Variants in TIMELESS observed in about 807,000 individuals in gnomAD.
TIMELESS encodes the protein protein timeless homolog.
In TIMELESS, 124 loss-of-function variants were observed where a neutral mutation model predicts 164.3. The observed-to-expected ratio is 0.75, with a 90% CI of 0.65 to 0.88. TIMELESS has a LOEUF of 0.88. Ranked by LOEUF, TIMELESS falls within the 40% of genes least tolerant of loss-of-function variation. The probability of loss-of-function intolerance (pLI) is 0.00; values close to 1 mark genes in which losing one functional copy is unlikely to be tolerated. For missense variants in TIMELESS, 1,422 were observed against 1,491.4 expected (o/e 0.95, Z 0.77); for synonymous variants, 564 against 563.4 (o/e 1.00, Z -0.02).
Position 56,433,460 on chromosome 12 carries a change from C to G in TIMELESS, c.367-17G>C. On this transcript the variant is annotated splice_polypyrimidine_tract_variant and intron_variant, in intron 4 of 28. Coordinates refer to ENST00000553532, the MANE Select transcript of TIMELESS (RefSeq NM_003920.5). ...GGCAAAGGCCTGTGAAATAGGGAAC[C>G]TGATCTTAAGTAGCAGTCATCCACT... The G allele has an allele frequency of 1.2e-6, 2 of 1,614,202 alleles. No individual in the cohort carries two copies. The highest frequency in any genetic ancestry group is 1.7e-6 in the Non-Finnish European group (2 of 1,180,004).
In TIMELESS at chr12:56,418,284, C is replaced by G; in HGVS notation, c.3304G>C (p.Glu1102Gln). ...RRAAASLSQPEEEQKLQPELQ... is the reference protein window; with the variant it reads ...RRAAASLSQPQEEQKLQPELQ... ...TCTGGCTGCAGCTTCTGTTCCTCCT[C>G]TGGTTGACTCAAAGAAGCTGCTGCC... The change falls in exon 27 of 29, where the codon GAG (glutamate) becomes CAG (glutamine). Residue 1102 changes from glutamate to glutamine, a missense_variant. Coordinates refer to ENST00000553532, the MANE Select transcript of TIMELESS (RefSeq NM_003920.5). The G allele has an allele frequency of 6.2e-7, 1 of 1,614,190 alleles. No individual in the cohort carries two copies. The highest frequency in any genetic ancestry group is 8.5e-7 in the Non-Finnish European group (1 of 1,180,036).
chr12:56,445,921 T>G (rs1025488392), intron 1 of TIMELESS, among the ~76,000 whole-genome samples: 12 of 152,082 alleles, frequency 7.9e-5, no homozygotes, highest in Non-Finnish European at 1.6e-4. Context: ...TTTTTTCTTT[T>G]TTGAAAGAGG....
chr12:56,447,918 A>G (rs1037015270), intron 1 of TIMELESS, among the ~76,000 whole-genome samples: 3 of 152,128 alleles, frequency 2.0e-5, no homozygotes, highest in African/African-American at 7.2e-5. Flanking sequence ...AAGTACTGAG[A>G]TATGAAAGAG....
intron 19 of TIMELESS, 58 bp downstream of exon 19, chr12:56,422,789 G>A: frequency 1.3e-6 from 2 of 1,536,220 alleles, no homozygotes; most frequent in Non-Finnish European, 1.8e-6. Flanking sequence ...TTGACATTCT[G>A]TGACTCTGCA....
intron 13 of TIMELESS, among the ~76,000 whole-genome samples, chr12:56,426,264 C>T (rs1881674775): frequency 6.6e-6 from 1 of 152,070 alleles, no homozygotes; most frequent in South Asian, 2.1e-4. Flanking sequence ...TACCACAGAG[C>T]TCTGAGTGCA....
At position 56,420,556 on chromosome 12, in the gene TIMELESS, C is replaced by T; in HGVS notation, c.3228+13G>A. The stretch of plus-strand genomic sequence containing the variant: ...TAACACGCCTTGGTTGACACTGTAA[C>T]TGACATATTTACCTGCCCAGAGGCA... On this transcript the variant is annotated intron_variant, in intron 26 of 28. Transcript: ENST00000553532. 1 of 1,611,376 alleles carries T rather than the reference C, an allele frequency of 6.2e-7. No homozygotes were observed. Among genetic ancestry groups the T allele is most frequent in the Non-Finnish European group, 8.5e-7 (1 of 1,177,556 alleles).
intron 1 of TIMELESS, among the ~76,000 whole-genome samples, chr12:56,448,180 C>G (rs918594566): frequency 1.3e-5 from 2 of 152,116 alleles, no homozygotes; most frequent in African/African-American, 4.8e-5. Flanking sequence ...CCGACGCGGG[C>G]GGATCATTTG....
At position 56,434,214 on chromosome 12, in the gene TIMELESS, A is replaced by G. The variant is rs1881997769; in HGVS notation, c.-44T>C. On this transcript the variant is annotated 5_prime_UTR_variant, in exon 2 of 29. Coordinates refer to ENST00000553532, the MANE Select transcript of TIMELESS (RefSeq NM_003920.5). ...ACAGAGAAGGAAGTGGAGAAACAGG[A>G]GACAGAAATGATGAGGCCTGGAGAA... is the stretch of plus-strand genomic sequence containing the variant. 1.3e-6 allele frequency: 2 copies of G among 1,487,062 alleles called. No homozygotes were observed. Among genetic ancestry groups the G allele is most frequent in the Non-Finnish European group, 1.9e-6 (2 of 1,064,560 alleles). 92.1% of individuals were successfully genotyped at this position (1,487,062 alleles called of 1,614,324 possible).
chr12:56,427,391 G>A (rs1277146232), intron 13 of TIMELESS, among the ~76,000 whole-genome samples: 1 of 152,188 alleles, frequency 6.6e-6, no homozygotes. Flanking sequence ...CCAAAGTGCT[G>A]GGATTACAGG....
Position 56,430,967 on chromosome 12 carries a change from GCCTGC to G in TIMELESS, c.822-4_822del, listed in dbSNP as rs1406378668. ...ATATAGGAGCCCCCAAATCGAGAAT[GCCTGC>G]AGAAACAAAAAGGTCCAAGGTGATT... On this transcript the variant is annotated splice_acceptor_variant and splice_polypyrimidine_tract_variant and coding_sequence_variant and intron_variant, in exon 9 of 29. Coordinates refer to ENST00000553532, the MANE Select transcript of TIMELESS (RefSeq NM_003920.5). LOFTEE classifies it high-confidence loss of function. The G allele has an allele frequency of 6.3e-7, 1 of 1,575,556 alleles. No individual in the cohort carries two copies. Among genetic ancestry groups the G allele is most frequent in the African/African-American group, 1.4e-5 (1 of 72,230 alleles).
chr12:56,437,025 G>C (rs1882095195), intron 1 of TIMELESS, among the ~76,000 whole-genome samples: 2 of 151,696 alleles, frequency 1.3e-5, no homozygotes, highest in Non-Finnish European at 2.9e-5. Flanking sequence ...GTGCCTCCCA[G>C]GTTTAAGTGA....
At position 56,421,997 on chromosome 12, in the gene TIMELESS, G is replaced by A. The variant is rs1164800069; in HGVS notation, c.2544C>T (p.Ala848=). Residue 848 remains alanine (A), a synonymous_variant, in exon 21 of 29, where the codon GCC becomes GCT. Transcript: ENST00000553532. ...KDVEGQDVVE[A]ILAHLNTVPR... Reference sequence around the variant, plus strand: ...GAACAGTATTCAGGTGGGCCAAGATGGCTTCCACCACATCCTGCCCTGGCG... The same window carrying A: ...GAACAGTATTCAGGTGGGCCAAGATAGCTTCCACCACATCCTGCCCTGGCG... 6.2e-7 allele frequency: 1 copy of A among 1,614,146 alleles called. No homozygotes were observed. Among genetic ancestry groups the A allele is most frequent in the Non-Finnish European group, 8.5e-7 (1 of 1,180,034 alleles).
At position 56,417,749 on chromosome 12, in the gene TIMELESS, TTTC is replaced by T. The variant is rs749149381; in HGVS notation, c.3591_3593del (p.Lys1198del). 15 of 1,614,032 alleles carry T rather than the reference TTTC, an allele frequency of 9.3e-6. No homozygotes were observed. Among genetic ancestry groups the T allele is most frequent in the African/African-American group, 4.0e-5 (3 of 74,908 alleles). Reference sequence around the variant, plus strand: ...CCTCATCATCCTCAATCTGGTATCGTTTCTTCTTTTGGATTCCTGGAGCTCCCA... The same window carrying T: ...CCTCATCATCCTCAATCTGGTATCGTTTCTTTTGGATTCCTGGAGCTCCCA... On this transcript the variant is annotated inframe_deletion, in exon 29 of 29. Transcript: ENST00000553532.
rs370574114 is a variant in TIMELESS, at chr12:56,424,940, G to A, written c.1717-27C>T. Reference sequence around the variant, plus strand: ...TAGAGATGGATAAAGCTATGGGAGCGGAGGGAGTGGAAAACCCAGATTGTA... The same window carrying A: ...TAGAGATGGATAAAGCTATGGGAGCAGAGGGAGTGGAAAACCCAGATTGTA... On this transcript the variant is annotated intron_variant, in intron 14 of 28. Transcript: ENST00000553532. 8.0e-5 allele frequency: 129 copies of A among 1,614,056 alleles called. No individual in the cohort carries two copies. In the African/African-American group the frequency reaches 1.4e-3, roughly 18 times the overall value.
chr12:56,441,423 A>C (rs1300288700), intron 1 of TIMELESS, among the ~76,000 whole-genome samples: 2 of 151,692 alleles, frequency 1.3e-5, no homozygotes, highest in Non-Finnish European at 2.9e-5. Flanking sequence ...GGAGTTTGAG[A>C]CCAGCCTGGG....
chr12:56,432,932 C>T (rs977766415), intron 6 of TIMELESS, 94 bp downstream of exon 6: 13 of 885,362 alleles, frequency 1.5e-5, no homozygotes, highest in South Asian at 5.2e-5. Context: ...TCCAGCCTGG[C>T]GACAGAGAGA....
Position 56,423,850 on chromosome 12 carries a change from G to C in TIMELESS, c.1913C>G (p.Ser638Cys). The change falls in exon 16 of 29, where the codon TCT becomes TGT. Residue 638 changes from serine (S) to cysteine (C), a missense_variant. Transcript: ENST00000553532. ...EGDVFGSQDISPEEEIQLLKQ... is the reference protein window; with the variant it reads ...EGDVFGSQDICPEEEIQLLKQ... ...CAGCAACTGGATCTCTTCCTCTGGA[G>C]AAATGTCTTGAGAGCCAAACACATC... 1 of 1,614,226 alleles carries C rather than the reference G, an allele frequency of 6.2e-7. No homozygotes were observed. The highest frequency in any genetic ancestry group is 1.1e-5 in the South Asian group (1 of 91,086).
At chr12:56,442,092 A>AAG (rs902354230) in intron 1 of TIMELESS, among the ~76,000 whole-genome samples, 3 of 142,002 alleles carry the variant, frequency 2.1e-5, no homozygotes, top group African/African-American at 7.6e-5. Context: ...TCAAAAAAAA[A>AAG]AAAAAAAAAA....
At position 56,433,448 on chromosome 12, in the gene TIMELESS, G is replaced by A; in HGVS notation, c.367-5C>T. ...AGCCTTCTCACTGGCAAAGGCCTGT[G>A]AAATAGGGAACCTGATCTTAAGTAG... On this transcript the variant is annotated splice_polypyrimidine_tract_variant and splice_region_variant and intron_variant, in intron 4 of 28. Coordinates refer to ENST00000553532, the MANE Select transcript of TIMELESS (RefSeq NM_003920.5). The A allele has an allele frequency of 1.2e-6, 2 of 1,614,188 alleles. No homozygotes were observed. Among genetic ancestry groups the A allele is most frequent in the South Asian group, 1.1e-5 (1 of 91,086 alleles).
Sources: allele counts gnomAD v4.1 joint callset (sites outside exome capture counted in the v4.1 genomes callset), GRCh38; gene constraint gnomAD v4.1.1; transcripts MANE v1.5; gene names NCBI Gene and HGNC (gene_info 2026-07-23, HGNC 2026-07-21).